The following RPH3A variants were observed in gnomAD, a reference collection of about 807,000 sequenced individuals.
RPH3A encodes rabphilin 3A, also known as rabphilin-3A.
RPH3A carries 48 observed loss-of-function variants against 102.2 expected under a neutral mutation model. The observed-to-expected ratio is 0.47, with a 90% confidence interval of 0.37 to 0.60. RPH3A has a LOEUF of 0.60. Ranked by LOEUF, RPH3A falls within the 20% of genes least tolerant of loss-of-function variation. The pLI, the probability that RPH3A is intolerant of heterozygous loss-of-function variation, is 0.00. For synonymous variants in RPH3A, 310 were observed against 324.3 expected, an observed-to-expected ratio of 0.96 and a Z score of 0.47; for missense variants, 781 against 910.1, an observed-to-expected ratio of 0.86 and a Z score of 1.83.
chr12:112,614,315 A>G (rs2039660664), intron 1 of RPH3A, among the ~76,000 whole-genome samples: 1 of 152,158 alleles, frequency 6.6e-6, no homozygotes, highest in Admixed American at 6.5e-5. Flanking sequence ...CAATTCCATC[A>G]TCTGTGAAAT....
At chr12:112,633,676 A>C (rs2039824496) in intron 1 of RPH3A, among the ~76,000 whole-genome samples, 1 of 152,144 alleles carries the variant, frequency 6.6e-6, no homozygotes, top group Non-Finnish European at 1.5e-5. Flanking sequence ...TTTATACATC[A>C]CCTAGTTTCA....
In RPH3A at chr12:112,875,416, C is replaced by T. The variant is rs367769194; in HGVS notation, c.883+246C>T. 3.3e-5 allele frequency among the ~76,000 whole-genome samples: 5 copies of T among 152,110 alleles called. No homozygotes were observed. In the East Asian group the frequency reaches 7.7e-4, roughly 23 times the overall value. On this transcript the variant is annotated intron_variant, in intron 11 of 21. Coordinates refer to ENST00000389385, the MANE Select transcript of RPH3A (RefSeq NM_001143854.2). The stretch of plus-strand genomic sequence containing the variant: ...CAGAAAGTGATGGCACCTCATTCGC[C>T]AGTGTTTCCCACCTCAAGGACCAAC...
chr12:112,694,751 A>G (rs941157869), intron 1 of RPH3A, among the ~76,000 whole-genome samples: 3 of 151,842 alleles, frequency 2.0e-5, no homozygotes, highest in African/African-American at 7.3e-5. Flanking sequence ...CTCTTAGATA[A>G]TTACTTTAGA....
chr12:112,631,100 G>A (rs1052114932), intron 1 of RPH3A, among the ~76,000 whole-genome samples: 8 of 152,066 alleles, frequency 5.3e-5, no homozygotes, highest in African/African-American at 1.9e-4. Context: ...GTGCACAGTG[G>A]GTAACTCAGA....
chr12:112,766,870 A>G (rs2040893314), intron 1 of RPH3A, among the ~76,000 whole-genome samples: 1 of 152,210 alleles, frequency 6.6e-6, no homozygotes, highest in African/African-American at 2.4e-5. Flanking sequence ...CCCCAGCAGC[A>G]GAAATATGAC....
intron 1 of RPH3A, among the ~76,000 whole-genome samples, chr12:112,742,315 T>A (rs971057974): frequency 6.6e-6 from 1 of 151,740 alleles, no homozygotes; most frequent in Non-Finnish European, 1.5e-5. Flanking sequence ...TCCGGGAAAT[T>A]GGAGAGGAAA....
At chr12:112,590,037 C>A (rs1373722173) in intron 1 of RPH3A, among the ~76,000 whole-genome samples, 1 of 149,010 alleles carries the variant, frequency 6.7e-6, no homozygotes, top group Non-Finnish European at 1.5e-5. Context: ...GAGCTGAGAT[C>A]ATGCCACTGT....
chr12:112,791,901 A>AGAGAGAGAGAGAGAGAGAGAGACT lies in RPH3A; in HGVS notation c.-247_-246insGAGAGAGAGAGAGAGAGACTGAGA, dbSNP rs1565882471. 10 of 151,044 alleles carry AGAGAGAGAGAGAGAGAGAGAGACT rather than the reference A, an allele frequency of 6.6e-5. No individual in the cohort carries two copies. The highest frequency in any genetic ancestry group is 2.5e-4 in the African/African-American group (10 of 40,776). 9.4% of individuals were successfully genotyped at this position (151,044 alleles called of 1,614,324 possible). A position where few individuals can be genotyped will look rare whatever the true frequency, so the allele number is the denominator to read the frequency against. On this transcript the variant is annotated 5_prime_UTR_variant, in exon 1 of 22. Coordinates refer to ENST00000389385, the MANE Select transcript of RPH3A (RefSeq NM_001143854.2). ...GAGAGAGAGAGAGAGAGAGAGAGAGAGAGACTCACAGAGCTAAAACCTTCA... is the reference window on the plus strand; with the variant it reads ...GAGAGAGAGAGAGAGAGAGAGAGAGAGAGAGAGAGAGAGAGAGAGAGACTGAGACTCACAGAGCTAAAACCTTCA...
chr12:112,654,962 C>G (rs770857747), intron 1 of RPH3A, among the ~76,000 whole-genome samples: 2 of 152,214 alleles, frequency 1.3e-5, no homozygotes, highest in Non-Finnish European at 2.9e-5. Context: ...GCTGGCAGAG[C>G]AATTCAGGAC....
intron 1 of RPH3A, among the ~76,000 whole-genome samples, chr12:112,715,245 T>C (rs1243286312): frequency 6.6e-6 from 1 of 152,220 alleles, no homozygotes. Context: ...TAGCTCCTTC[T>C]CATCATTAGC....
rs1210685373 is a variant in RPH3A, at chr12:112,875,135, T to A, written c.848T>A (p.Val283Glu). 2.5e-6 allele frequency: 4 copies of A among 1,609,412 alleles called. No homozygotes were observed. The highest frequency in any genetic ancestry group is 1.7e-5 in the Admixed American group (1 of 59,590). The change falls in exon 11 of 22, where the codon GTG (valine) becomes GAG (glutamate). Residue 283 changes from valine to glutamate, a missense_variant. Transcript: ENST00000389385. ...GCCTCCAGACCTGCCCCAGGCTCGG[T>A]GCAGAGCCCAGCGCCACCTCAGCCT... Reference protein sequence around the residue: ...VQASRPAPGSVQSPAPPQPGQ... With the variant: ...VQASRPAPGSEQSPAPPQPGQ...
intron 4 of RPH3A, among the ~76,000 whole-genome samples, chr12:112,840,343 T>C (rs1005645325): frequency 7.9e-5 from 12 of 152,238 alleles, no homozygotes; most frequent in Non-Finnish European, 1.5e-4. Context: ...TTAATTCTAA[T>C]CTTCTAGTTA....
chr12:112,718,032 A>G (rs1419548919), intron 1 of RPH3A: 1 of 152,200 alleles, frequency 6.6e-6, no homozygotes, highest in Non-Finnish European at 1.5e-5. Context: ...ATAATTCAGC[A>G]CCAGCTTAGA....
intron 1 of RPH3A, among the ~76,000 whole-genome samples, chr12:112,636,123 C>A (rs1162549165): frequency 6.6e-6 from 1 of 152,238 alleles, no homozygotes; most frequent in Non-Finnish European, 1.5e-5. Context: ...CAAGCTCTTT[C>A]TATCTTGTTG....
At chr12:112,780,027 C>G (rs1448141530) in intron 1 of RPH3A, among the ~76,000 whole-genome samples, 4 of 152,138 alleles carry the variant, frequency 2.6e-5, no homozygotes, top group African/African-American at 9.7e-5. Flanking sequence ...GGAACAGATT[C>G]GTCCCCAGAG....
rs1419174705 is a variant in RPH3A at position 112,661,725 on chromosome 12, CT to C, written c.-140+86408del. On this transcript the variant is annotated intron_variant, in intron 1 of 21. Transcript: ENST00000543106. Reference sequence around the variant, plus strand: ...TGCAGAGTTTTGTCTCCTGTTCAGTCTTCAGAATATTCCCTTAAGAGTGGAT... The same window carrying C: ...TGCAGAGTTTTGTCTCCTGTTCAGTCTCAGAATATTCCCTTAAGAGTGGAT... Among the ~76,000 whole-genome samples the C allele has an allele frequency of 6.6e-5, 10 of 151,748 alleles. No individual in the cohort carries two copies. The East Asian group carries it at 1.7e-3, about 26-fold the overall frequency.
chr12:112,653,113 G>T (rs140988052), intron 1 of RPH3A, among the ~76,000 whole-genome samples: 15 of 152,214 alleles, frequency 9.9e-5, no homozygotes, highest in Non-Finnish European at 2.1e-4. Context: ...AATACAGGCC[G>T]AGGGAGGTGG....
chr12:112,828,459 A>C (rs2041917708), intron 3 of RPH3A, 70 bp downstream of exon 3: 3 of 1,179,438 alleles, frequency 2.5e-6, no homozygotes, highest in Non-Finnish European at 3.7e-6. Context: ...CTACACTTGA[A>C]AAAAAGAAGG....
At chr12:112,629,092 A>G (rs35781089) in intron 1 of RPH3A, among the ~76,000 whole-genome samples, 71,617 of 151,950 alleles carry the variant, frequency 0.47, 20,251 homozygotes, top group Non-Finnish European at 0.63. Context: ...ACCCATCTGC[A>G]TCTAGCAAAC....
Sources: gnomAD v4.1 joint callset for allele counts (sites outside exome capture counted in the v4.1 genomes callset) on GRCh38, gnomAD v4.1.1 for gene constraint, MANE v1.5 for transcripts, NCBI Gene and HGNC (gene_info 2026-07-23, HGNC 2026-07-21) for gene names.